PIK3AP1: variants seen among roughly 807,000 people sequenced by gnomAD.
The protein encoded by PIK3AP1 is phosphoinositide 3-kinase adapter protein 1.
A neutral mutation model predicts 88.1 loss-of-function variants in PIK3AP1; 21 were observed. That is an observed-to-expected ratio of 0.24 (90% CI 0.17 to 0.34). The LOEUF is 0.34. Ranked by LOEUF, PIK3AP1 falls within the 10% of genes least tolerant of loss-of-function variation. The probability of loss-of-function intolerance (pLI) is 1.00; values close to 1 mark genes in which losing one functional copy is unlikely to be tolerated. For synonymous variants in PIK3AP1, 398 were observed against 400.0 expected (o/e 1.00, Z 0.06); for missense variants, 828 against 1,035.7 (o/e 0.80, Z 2.75).
chr10:96,694,760 A>G (rs1277377194), intron 2 of PIK3AP1, among the ~76,000 whole-genome samples: 1 of 151,960 alleles, frequency 6.6e-6, no homozygotes, highest in East Asian at 1.9e-4. Context: ...GCTGGTCTCA[A>G]ACTCCTGGGC....
chr10:96,612,995 T>A, intron 13 of PIK3AP1, among the ~76,000 whole-genome samples: 1 of 42,808 alleles, frequency 2.3e-5, no homozygotes, highest in African/African-American at 7.5e-5. Context: ...TTTTTTTTTT[T>A]TTTTTTTTTT....
intron 2 of PIK3AP1, among the ~76,000 whole-genome samples, chr10:96,702,683 A>G (rs1268059527): frequency 2.0e-5 from 3 of 151,476 alleles, no homozygotes; most frequent in Non-Finnish European, 4.4e-5. Context: ...TGTGTTAATT[A>G]ATTTGATTGT....
At chr10:96,691,323 T>C (rs1844151966) in intron 2 of PIK3AP1, among the ~76,000 whole-genome samples, 1 of 152,192 alleles carries the variant, frequency 6.6e-6, no homozygotes, top group African/African-American at 2.4e-5. Context: ...ATATGGCCAC[T>C]GTTCGCAAGG....
chr10:96,682,684 A>AC (rs1844019180), intron 2 of PIK3AP1, among the ~76,000 whole-genome samples: 1 of 152,128 alleles, frequency 6.6e-6, no homozygotes, highest in Non-Finnish European at 1.5e-5. Flanking sequence ...TAGCCACTTC[A>AC]CCAACTGACC....
intron 7 of PIK3AP1, among the ~76,000 whole-genome samples, chr10:96,647,571 G>A (rs1475642055): frequency 1.3e-5 from 2 of 152,098 alleles, no homozygotes. Flanking sequence ...ACTTATTTGT[G>A]TCAGTGACGC....
intron 8 of PIK3AP1, among the ~76,000 whole-genome samples, chr10:96,629,714 C>A (rs369753560): frequency 4.2e-3 from 298 of 71,692 alleles, no homozygotes; most frequent in Non-Finnish European, 4.5e-3. Context: ...CCCATCTCTA[C>A]AAAAAAAAAA....
intron 2 of PIK3AP1, among the ~76,000 whole-genome samples, chr10:96,671,262 G>A (rs1843842169): frequency 6.6e-6 from 1 of 152,214 alleles, no homozygotes; most frequent in South Asian, 2.1e-4. Flanking sequence ...TTGGAGGTGA[G>A]AGGCTTGCAA....
chr10:96,673,600 T>C (rs1843877238), intron 2 of PIK3AP1, among the ~76,000 whole-genome samples: 1 of 152,196 alleles, frequency 6.6e-6, no homozygotes, highest in Admixed American at 6.5e-5. Context: ...CGCAGGCTTG[T>C]CATGAGGCCA....
intron 2 of PIK3AP1, among the ~76,000 whole-genome samples, chr10:96,671,194 G>A (rs1843841231): frequency 6.6e-6 from 1 of 152,234 alleles, no homozygotes; most frequent in African/African-American, 2.4e-5. Flanking sequence ...GATTCCCAGT[G>A]TGTGGACCCC....
chr10:96,625,421 A>G (rs1843141653), intron 10 of PIK3AP1, among the ~76,000 whole-genome samples: 1 of 152,306 alleles, frequency 6.6e-6, no homozygotes, highest in East Asian at 1.9e-4. Context: ...GATAATACCC[A>G]AGGAGACTGC....
chr10:96,693,449 A>C (rs1443997183), intron 2 of PIK3AP1, among the ~76,000 whole-genome samples: 1 of 151,822 alleles, frequency 6.6e-6, no homozygotes, highest in Non-Finnish European at 1.5e-5. Context: ...GAGTGGATGG[A>C]TGGATGGATG....
At chr10:96,710,639 T>C (rs1200130414) in intron 1 of PIK3AP1, among the ~76,000 whole-genome samples, 3 of 152,070 alleles carry the variant, frequency 2.0e-5, no homozygotes, top group East Asian at 1.9e-4. Context: ...ATAATAATAA[T>C]CGCAACAGCA....
At chr10:96,617,757 C>T (rs1165812495) in intron 12 of PIK3AP1, among the ~76,000 whole-genome samples, 1 of 152,186 alleles carries the variant, frequency 6.6e-6, no homozygotes, top group Non-Finnish European at 1.5e-5. Context: ...GCCAAAGAGA[C>T]TCTGAGGTCT....
At chr10:96,645,689 G>A (rs373172615) in intron 7 of PIK3AP1, 27 bp from the exon 8 acceptor site, 156 of 1,556,186 alleles carry the variant, frequency 1.0e-4, no homozygotes, top group Non-Finnish European at 1.2e-4. Context: ...GGCCCACGGC[G>A]CCCTGAGGCA....
At chr10:96,718,097 G>A (rs1346118420) in intron 1 of PIK3AP1, among the ~76,000 whole-genome samples, 1 of 152,176 alleles carries the variant, frequency 6.6e-6, no homozygotes, top group Non-Finnish European at 1.5e-5. Flanking sequence ...TACAAGCCCA[G>A]AGTAGAGAAA....
chr10:96,598,915 G>A (rs957537667), intron 16 of PIK3AP1, among the ~76,000 whole-genome samples: 1 of 152,250 alleles, frequency 6.6e-6, no homozygotes, highest in Non-Finnish European at 1.5e-5. Context: ...AGAGGGGCAG[G>A]ACTTGAGCTA....
intron 2 of PIK3AP1, among the ~76,000 whole-genome samples, chr10:96,701,158 C>T (rs1844293290): frequency 6.6e-6 from 1 of 152,244 alleles, no homozygotes; most frequent in Non-Finnish European, 1.5e-5. Context: ...CAGGTATCCA[C>T]ATTTTAAACA....
chr10:96,711,739 ATTTTTTTTTTTTTTTT>A lies in PIK3AP1; in HGVS notation c.14-1772_14-1757del, dbSNP rs763923650. Among the ~76,000 whole-genome samples, 473 of 66,478 alleles carry A rather than the reference ATTTTTTTTTTTTTTTT, an allele frequency of 7.1e-3. 7 individuals are homozygous for A. The highest frequency in any genetic ancestry group is 0.048 in the Middle Eastern group (4 of 84). 43.6% of individuals were successfully genotyped at this position (66,478 alleles called of 152,430 possible). ...ATTTCCCCCAGGATGAGATTACCAAATTTTTTTTTTTTTTTTTTTTTTTTTTTTTTAGACGGAGTCT... is the reference window on the plus strand; with the variant it reads ...ATTTCCCCCAGGATGAGATTACCAAATTTTTTTTTTTTTTAGACGGAGTCT... On this transcript the variant is annotated intron_variant, in intron 1 of 16. Coordinates refer to ENST00000339364, the MANE Select transcript of PIK3AP1 (RefSeq NM_152309.3).
At chr10:96,637,961 TGA>T in intron 8 of PIK3AP1, among the ~76,000 whole-genome samples, 1 of 152,312 alleles carries the variant, frequency 6.6e-6, no homozygotes, top group Non-Finnish European at 1.5e-5. Context: ...GAGCTCAGAC[TGA>T]GAGTTACACA....
Sources: gnomAD v4.1 joint callset for allele counts (sites outside exome capture counted in the v4.1 genomes callset) on GRCh38, gnomAD v4.1.1 for gene constraint, MANE v1.5 for transcripts, NCBI Gene and HGNC (gene_info 2026-07-23, HGNC 2026-07-21) for gene names.